Variants in TMEM156 observed in about 807,000 individuals in gnomAD.
TMEM156 encodes the protein transmembrane protein 156.
In TMEM156, 28 loss-of-function variants were observed where a neutral mutation model predicts 30.5. The ratio of observed to expected loss-of-function variants is 0.92; its 90% CI spans 0.68 to 1.26. The LOEUF (loss-of-function observed/expected upper bound fraction) is 1.26, where lower values mean the gene tolerates loss of function less well. TMEM156 is among the 50% of genes most tolerant of loss of function. TMEM156 has a pLI of 0.00. For synonymous variants in TMEM156, 137 were observed against 119.9 expected (o/e 1.14, Z -0.93); for missense variants, 351 against 340.6 (o/e 1.03, Z -0.24).
chr4:38,998,067 G>A (rs1219055165), intron 2 of TMEM156, among the ~76,000 whole-genome samples: 1 of 152,186 alleles, frequency 6.6e-6, no homozygotes, highest in African/African-American at 2.4e-5. Context: ...TTTGAAGAGA[G>A]TATATGCCAA....
In TMEM156 at chr4:38,986,396, C is replaced by A. The variant is rs150724285; in HGVS notation, c.763G>T (p.Val255Phe). ...WQSHRDKPTS[V>F]LLRGSDSEKL... The stretch of plus-strand genomic sequence containing the variant: ...TCCGAATCACTTCCTCTTAAGAGAA[C>A]AGATGTAGGTTTGTCTCTATGACCT... The change falls in exon 5 of 7, where the codon GTT becomes TTT. Residue 255 changes from valine (V) to phenylalanine (F), a missense_variant. Transcript: ENST00000381938. 3.7e-6 allele frequency: 6 copies of A among 1,613,260 alleles called. No homozygotes were observed. Among genetic ancestry groups the A allele is most frequent in the Non-Finnish European group, 5.1e-6 (6 of 1,179,436 alleles).
intron 1 of TMEM156, among the ~76,000 whole-genome samples, chr4:39,020,634 C>T (rs1272610295): frequency 1.3e-5 from 2 of 152,074 alleles, no homozygotes; most frequent in East Asian, 1.9e-4. Flanking sequence ...TCACTGCAAC[C>T]TCCACCTCCC....
intron 1 of TMEM156, among the ~76,000 whole-genome samples, chr4:39,013,904 G>T (rs1714300024): frequency 6.6e-6 from 1 of 152,042 alleles, no homozygotes; most frequent in Non-Finnish European, 1.5e-5. Context: ...ATAGGCCATG[G>T]TCTGCAACTT....
chr4:38,996,317 C>T (rs977233254), intron 2 of TMEM156, among the ~76,000 whole-genome samples: 2 of 150,246 alleles, frequency 1.3e-5, no homozygotes, highest in African/African-American at 4.9e-5. Flanking sequence ...CCAATACTTC[C>T]GGAGGCCGAG....
intron 1 of TMEM156, among the ~76,000 whole-genome samples, chr4:39,007,951 G>A (rs1214792302): frequency 6.6e-6 from 1 of 152,016 alleles, no homozygotes; most frequent in East Asian, 1.9e-4. Flanking sequence ...GTAGTATATG[G>A]AAATACAATT....
At chr4:38,995,945 G>T (rs1046472311) in intron 2 of TMEM156, among the ~76,000 whole-genome samples, 2 of 152,068 alleles carry the variant, frequency 1.3e-5, no homozygotes, top group African/African-American at 4.8e-5. Flanking sequence ...ACTAGCCCAG[G>T]TAGAAAGACC....
chr4:38,980,879 T>C (rs1345555324), intron 5 of TMEM156: 1 of 962,832 alleles, frequency 1.0e-6, no homozygotes, highest in East Asian at 1.1e-4. Flanking sequence ...GCACATGTTT[T>C]ACCATCAATT....
chr4:39,000,708 G>GA (rs1293330415), intron 1 of TMEM156, among the ~76,000 whole-genome samples: 1 of 152,004 alleles, frequency 6.6e-6, no homozygotes, highest in Non-Finnish European at 1.5e-5. Context: ...CCAACATAGT[G>GA]AAACCTCATC....
intron 1 of TMEM156, among the ~76,000 whole-genome samples, chr4:39,003,324 A>C (rs1713508813): frequency 1.3e-5 from 2 of 152,002 alleles, no homozygotes; most frequent in South Asian, 4.1e-4. Flanking sequence ...ATTATGTCTT[A>C]ATATATTTAT....
Position 38,998,977 on chromosome 4 carries a change from C to T in TMEM156, c.89-68G>A. 4 of 1,404,962 alleles carry T rather than the reference C, an allele frequency of 2.8e-6. No individual in the cohort carries two copies. The South Asian group carries it at 4.3e-5, about 15-fold the overall frequency. 87.0% of individuals were successfully genotyped at this position (1,404,962 alleles called of 1,614,324 possible). On this transcript the variant is annotated intron_variant, in intron 1 of 6. Coordinates refer to ENST00000381938, the MANE Select transcript of TMEM156 (RefSeq NM_024943.3). ...TGAGTTTTTGGCATTCAAATAAATA[C>T]ACAGTATGCTCCCAGTTTTTCTTAG...
At chr4:38,988,048 G>A (rs960502164) in intron 4 of TMEM156, among the ~76,000 whole-genome samples, 1 of 152,026 alleles carries the variant, frequency 6.6e-6, no homozygotes, top group Non-Finnish European at 1.5e-5. Context: ...CTGATAGGTG[G>A]GTGCCTAGGT....
At chr4:38,994,988 A>G (rs1712829082) in intron 2 of TMEM156, among the ~76,000 whole-genome samples, 1 of 152,108 alleles carries the variant, frequency 6.6e-6, no homozygotes, top group African/African-American at 2.4e-5. Context: ...TAAAGCTAGA[A>G]GTGTGAGATC....
At chr4:39,021,036 AT>A (rs1714831235) in intron 1 of TMEM156, among the ~76,000 whole-genome samples, 1 of 152,160 alleles carries the variant, frequency 6.6e-6, no homozygotes, top group Non-Finnish European at 1.5e-5. Flanking sequence ...TAAAATTTCA[AT>A]TTGTATTTCC....
At chr4:39,020,439 T>C (rs1714786195) in intron 1 of TMEM156, among the ~76,000 whole-genome samples, 2 of 152,204 alleles carry the variant, frequency 1.3e-5, no homozygotes, top group African/African-American at 4.8e-5. Flanking sequence ...TCCTACTATG[T>C]TGCCCAGGCT....
intron 5 of TMEM156, among the ~76,000 whole-genome samples, chr4:38,985,168 G>A (rs777842342): frequency 6.6e-6 from 1 of 152,168 alleles, no homozygotes; most frequent in South Asian, 2.1e-4. Flanking sequence ...AGGGAAAAAT[G>A]CCATTTTTGC....
intron 1 of TMEM156, among the ~76,000 whole-genome samples, chr4:39,019,650 G>A (rs776730356): frequency 6.6e-6 from 1 of 151,954 alleles, no homozygotes; most frequent in Non-Finnish European, 1.5e-5. Flanking sequence ...ATTTTCAGGT[G>A]CCTTTCCCCA....
intron 1 of TMEM156, among the ~76,000 whole-genome samples, chr4:39,001,764 G>C (rs925118262): frequency 6.7e-5 from 10 of 148,896 alleles, no homozygotes; most frequent in African/African-American, 2.2e-4. Context: ...ACAAACCTGA[G>C]AAAAACAAGC....
chr4:39,015,042 G>A (rs1714388971), intron 1 of TMEM156, among the ~76,000 whole-genome samples: 1 of 152,100 alleles, frequency 6.6e-6, no homozygotes, highest in African/African-American at 2.4e-5. Flanking sequence ...TCCTAAGTAA[G>A]TTTCCTAGAT....
In TMEM156 at chr4:39,021,772, T is replaced by A. The variant is rs372444169; in HGVS notation, c.88+10454A>T. 7.9e-5 allele frequency among the ~76,000 whole-genome samples: 12 copies of A among 152,362 alleles called. No homozygotes were observed. In the South Asian group the frequency reaches 1.5e-3, roughly 18 times the overall value. On this transcript the variant is annotated intron_variant, in intron 1 of 6. Coordinates refer to ENST00000381938, the MANE Select transcript of TMEM156 (RefSeq NM_024943.3). ...CCTTCTAGTAGTTTTACAGTTTAGG[T>A]CTTCAAGTCTTTAATCCATTTTGAA...
Sources: allele counts gnomAD v4.1 joint callset (sites outside exome capture counted in the v4.1 genomes callset), GRCh38; gene constraint gnomAD v4.1.1; transcripts MANE v1.5; gene names NCBI Gene and HGNC (gene_info 2026-07-23, HGNC 2026-07-21).